The following CHD6 variants were observed in gnomAD, a reference collection of about 807,000 sequenced individuals.
CHD6 encodes the protein ATP-dependent chromatin remodeler CHD6.
CHD6 carries 50 observed loss-of-function variants against 276.9 expected under a neutral mutation model. The ratio of observed to expected loss-of-function variants is 0.18; its 90% CI spans 0.14 to 0.23. The LOEUF (loss-of-function observed/expected upper bound fraction) is 0.23. Among genes scored for constraint, CHD6 ranks in the 10% least tolerant of loss-of-function variants. CHD6 has a pLI of 1.00. For missense variants in CHD6, 2,564 were observed against 3,365.8 expected (o/e 0.76, Z 5.89); for synonymous variants, 1,173 against 1,229.3 (o/e 0.95, Z 0.96).
chr20:41,584,897 T>C (rs1393796563), intron 1 of CHD6, among the ~76,000 whole-genome samples: 1 of 151,966 alleles, frequency 6.6e-6, no homozygotes, highest in Non-Finnish European at 1.5e-5. Context: ...AAACTAAAAT[T>C]GGAGACCAAA....
intron 16 of CHD6, among the ~76,000 whole-genome samples, chr20:41,478,799 A>G (rs780676869): frequency 5.3e-5 from 8 of 152,216 alleles, no homozygotes; most frequent in Non-Finnish European, 8.8e-5. Context: ...TCAGAGCAAT[A>G]TAACAGAATT....
intron 16 of CHD6, among the ~76,000 whole-genome samples, chr20:41,481,513 T>G (rs1600971092): frequency 6.6e-6 from 1 of 152,026 alleles, no homozygotes; most frequent in African/African-American, 2.4e-5. Flanking sequence ...AGAGAATAAT[T>G]TTGAATTACT....
At chr20:41,428,323 TGTGA>T (rs1187169945) in intron 27 of CHD6, among the ~76,000 whole-genome samples, 1 of 152,214 alleles carries the variant, frequency 6.6e-6, no homozygotes, top group East Asian at 1.9e-4. Flanking sequence ...ATCCGTTTAA[TGTGA>T]GTGTGTGTGA....
chr20:41,483,433 C>A lies in CHD6; in HGVS notation c.2344G>T (p.Ala782Ser). Reference protein sequence around the residue: ...DFQLQAMIQAAGKLVLIDKLL... With the variant: ...DFQLQAMIQASGKLVLIDKLL... ...TTATCAATCAACACAAGCTTTCCTG[C>A]TGCCTGAATCATGGCCTGCAGCTGA... is the stretch of plus-strand genomic sequence containing the variant. Residue 782 changes from alanine to serine, a missense_variant, in exon 16 of 37, where the codon GCA becomes TCA. Coordinates refer to ENST00000373233, the MANE Select transcript of CHD6 (RefSeq NM_032221.5). The A allele has an allele frequency of 6.2e-7, 1 of 1,613,794 alleles. No homozygotes were observed. Among genetic ancestry groups the A allele is most frequent in the Non-Finnish European group, 8.5e-7 (1 of 1,179,860 alleles).
intron 16 of CHD6, among the ~76,000 whole-genome samples, chr20:41,477,614 A>C (rs2043196406): frequency 6.6e-6 from 1 of 152,228 alleles, no homozygotes; most frequent in Non-Finnish European, 1.5e-5. Flanking sequence ...ACAGTAAAGG[A>C]TGTTTTAAAA....
intron 1 of CHD6, among the ~76,000 whole-genome samples, chr20:41,569,907 T>G (rs2045399186): frequency 6.6e-6 from 1 of 152,118 alleles, no homozygotes; most frequent in Non-Finnish European, 1.5e-5. Flanking sequence ...ATGGGATGGG[T>G]GTCCTGGAAC....
chr20:41,555,116 C>T lies in CHD6; in HGVS notation c.-23-3756G>A, dbSNP rs547849643. Among the ~76,000 whole-genome samples, 23 of 138,802 alleles carry T rather than the reference C, an allele frequency of 1.7e-4. No homozygotes were observed. The East Asian group carries it at 5.2e-3, about 31-fold the overall frequency. The allele number at this position is 138,802 out of a possible 152,430, so 91.1% of individuals were successfully genotyped here. On this transcript the variant is annotated intron_variant, in intron 1 of 36. Transcript: ENST00000373233. ...GCTTGCCGGGCGGGGGGCTGACCCC[C>T]CCACCTCCCTCCCCGACGGGGCGGC...
At chr20:41,410,413 T>TGA (rs1365110586) in intron 36 of CHD6, among the ~76,000 whole-genome samples, 1 of 152,152 alleles carries the variant, frequency 6.6e-6, no homozygotes, top group Non-Finnish European at 1.5e-5. Context: ...TCCAGAACTG[T>TGA]GAGAAATAAA....
At chr20:41,520,423 A>G (rs1309505968) in intron 3 of CHD6, among the ~76,000 whole-genome samples, 1 of 152,180 alleles carries the variant, frequency 6.6e-6, no homozygotes, top group Non-Finnish European at 1.5e-5. Context: ...ACCAACCCAA[A>G]TGTCCAACAA....
chr20:41,526,056 T>C (rs1271220728), intron 3 of CHD6, among the ~76,000 whole-genome samples: 1 of 152,170 alleles, frequency 6.6e-6, no homozygotes, highest in Non-Finnish European at 1.5e-5. Context: ...AGTAGGCATT[T>C]ATCAAGCATT....
intron 5 of CHD6, among the ~76,000 whole-genome samples, chr20:41,504,070 T>A (rs2043908911): frequency 1.3e-5 from 1 of 74,090 alleles, no homozygotes; most frequent in African/African-American, 9.3e-5. Context: ...AGAGTGAGAC[T>A]CTGTCTCAAA....
intron 1 of CHD6, among the ~76,000 whole-genome samples, chr20:41,559,831 C>T (rs563931828): frequency 6.6e-6 from 1 of 152,016 alleles, no homozygotes; most frequent in Admixed American, 6.6e-5. Flanking sequence ...CAAAGAACCC[C>T]ACAACTCTTC....
chr20:41,497,238 G>C, intron 8 of CHD6, 146 bp downstream of exon 8: 1 of 644,046 alleles, frequency 1.6e-6, no homozygotes, highest in Non-Finnish European at 2.8e-6. Flanking sequence ...ATCTAGACTA[G>C]TTTTGTTGCA....
chr20:41,590,756 T>G (rs547209949), intron 1 of CHD6, among the ~76,000 whole-genome samples: 36 of 152,040 alleles, frequency 2.4e-4, no homozygotes, highest in Non-Finnish European at 4.1e-4. Flanking sequence ...TTTTACACTG[T>G]TGGTGGGACT....
chr20:41,558,761 T>C (rs1189300400), intron 1 of CHD6, among the ~76,000 whole-genome samples: 3 of 152,128 alleles, frequency 2.0e-5, no homozygotes, highest in Non-Finnish European at 4.4e-5. Flanking sequence ...CAGTTACTCT[T>C]TCCTCATTTC....
chr20:41,484,677 T>C lies in CHD6; in HGVS notation c.2002-70A>G, dbSNP rs373305579. ...TAACGATTACTGGGGTATTCCAACCTTCACTCTAATTTCTTGAACATTTAC... is the reference window on the plus strand; with the variant it reads ...TAACGATTACTGGGGTATTCCAACCCTCACTCTAATTTCTTGAACATTTAC... On this transcript the variant is annotated intron_variant, in intron 14 of 36. Coordinates refer to ENST00000373233, the MANE Select transcript of CHD6 (RefSeq NM_032221.5). 4.7e-6 allele frequency: 7 copies of C among 1,504,042 alleles called. No homozygotes were observed. The East Asian group carries it at 9.0e-5, about 19-fold the overall frequency. 93.2% of individuals were successfully genotyped at this position (1,504,042 alleles called of 1,614,324 possible).
intron 1 of CHD6, among the ~76,000 whole-genome samples, chr20:41,574,591 C>A (rs559429767): frequency 6.6e-6 from 1 of 152,286 alleles, no homozygotes; most frequent in African/African-American, 2.4e-5. Flanking sequence ...ACTAAAGGCA[C>A]TCCTGTTAAC....
intron 1 of CHD6, among the ~76,000 whole-genome samples, chr20:41,557,085 G>A (rs1326755285): frequency 2.0e-5 from 3 of 152,156 alleles, no homozygotes; most frequent in Non-Finnish European, 4.4e-5. Flanking sequence ...TACTTAATTA[G>A]AAACATAATA....
chr20:41,454,794 C>A, intron 19 of CHD6, 58 bp from the exon 20 acceptor site: 1 of 1,193,370 alleles, frequency 8.4e-7, no homozygotes, highest in South Asian at 1.3e-5. Flanking sequence ...ACTAATAAAA[C>A]ACCAGTGTTA....
Sources: gnomAD v4.1 joint callset for allele counts (sites outside exome capture counted in the v4.1 genomes callset) on GRCh38, gnomAD v4.1.1 for gene constraint, MANE v1.5 for transcripts, NCBI Gene and HGNC (gene_info 2026-07-23, HGNC 2026-07-21) for gene names.